Variants in USP28 observed in about 807,000 individuals in gnomAD.
The protein encoded by USP28 is ubiquitin carboxyl-terminal hydrolase 28.
USP28 carries 113 observed loss-of-function variants against 145.0 expected under a neutral mutation model. The ratio of observed to expected loss-of-function variants is 0.78; its 90% CI spans 0.67 to 0.91. The LOEUF is 0.91. Among genes scored for constraint, USP28 ranks in the 40% least tolerant of loss-of-function variants. USP28 has a pLI of 0.00. For missense variants in USP28, 1,201 were observed against 1,289.6 expected, an observed-to-expected ratio of 0.93 and a Z score of 1.05; for synonymous variants, 447 against 450.9, an observed-to-expected ratio of 0.99 and a Z score of 0.11.
rs1489135667 is a variant in USP28 at position 113,837,435 on chromosome 11, C to G, written c.535-3100G>C. On this transcript the variant is annotated intron_variant, in intron 5 of 24. Coordinates refer to ENST00000003302, the Ensembl canonical transcript of USP28. ...ATCTACATCCACATCCCAGGCTGCA[C>G]CCAAAAATACACCAACACATGAAAG... 1.3e-5 allele frequency among the ~76,000 whole-genome samples: 2 copies of G among 152,166 alleles called. 1 individual carries two copies. The highest frequency in any genetic ancestry group is 4.8e-5 in the African/African-American group (2 of 41,430).
intron 22 of USP28, 89 bp from the exon 24 acceptor site, chr11:113,803,370 A>C: frequency 1.4e-6 from 2 of 1,392,252 alleles, no homozygotes; most frequent in South Asian, 1.6e-5. Flanking sequence ...TCAAGAACCT[A>C]CTTGGCTGCA....
chr11:113,867,801 A>AGGGG (rs1340740140), intron 1 of USP28, among the ~76,000 whole-genome samples: 1 of 75,368 alleles, frequency 1.3e-5, no homozygotes, highest in Non-Finnish European at 2.4e-5. Flanking sequence ...GAAAGAAGGA[A>AGGGG]GGGGGGAGGG....
Position 113,875,482 on chromosome 11 carries a change from T to C in USP28, c.20A>G (p.Gln7Arg). 4 of 1,228,230 alleles carry C rather than the reference T, an allele frequency of 3.3e-6. No homozygotes were observed. The South Asian group carries it at 7.5e-5, about 23-fold the overall frequency. The allele number at this position is 1,228,230 out of a possible 1,614,324, so 76.1% of individuals were successfully genotyped here. ...GTCTGCCGCGCCGGCCGCGTCGTCC[T>C]GCTGCAGCTCCGCAGTCATGGCCGA... Residue 7 changes from glutamine (Q) to arginine (R), a missense_variant, in exon 1 of 25, where the codon CAG becomes CGG. Physicochemically the swap from Gln to Arg is conservative, Grantham distance 43. Transcript: ENST00000003302.
rs1229720816 is a variant in USP28, at chr11:113,867,827, G to GAGGGAGGAAGAA, written c.57+7606_57+7617dup. The stretch of plus-strand genomic sequence containing the variant: ...GGGGGGAGGGAGGGAGGGAGGAAGG[G>GAGGGAGGAAGAA]AGGGAGGAAGAAAGGGAGGAAGGGA... On this transcript the variant is annotated intron_variant, in intron 1 of 24. Coordinates refer to ENST00000003302, the Ensembl canonical transcript of USP28. Among the ~76,000 whole-genome samples the GAGGGAGGAAGAA allele has an allele frequency of 4.3e-5, 6 of 140,404 alleles. No homozygotes were observed. The East Asian group carries it at 1.3e-3, about 30-fold the overall frequency. 92.1% of individuals were successfully genotyped at this position (140,404 alleles called of 152,430 possible).
intron 1 of USP28, among the ~76,000 whole-genome samples, chr11:113,860,182 T>C (rs148052938): frequency 5.3e-4 from 80 of 152,352 alleles, no homozygotes; most frequent in African/African-American, 1.9e-3. Context: ...TTAAAACTCC[T>C]AATTTAGCAT....
At chr11:113,808,495 A>C (rs992156323) in intron 17 of USP28, 58 bp from the exon 18 acceptor site, 1 of 1,580,416 alleles carries the variant, frequency 6.3e-7, no homozygotes, top group Non-Finnish European at 8.6e-7. Context: ...TAGAACACTC[A>C]GATAAAAAGC....
chr11:113,847,220 GCAAC>G (rs1945963605), intron 3 of USP28, among the ~76,000 whole-genome samples: 1 of 151,886 alleles, frequency 6.6e-6, no homozygotes, highest in Non-Finnish European at 1.5e-5. Flanking sequence ...ACAAAAGAGG[GCAAC>G]CAGACATTAT....
chr11:113,864,722 TAC>T (rs1305162864), intron 1 of USP28, among the ~76,000 whole-genome samples: 1 of 152,226 alleles, frequency 6.6e-6, no homozygotes, highest in Non-Finnish European at 1.5e-5. Context: ...CAAACTGCTC[TAC>T]ACAGTCTACT....
chr11:113,872,046 CTA>C lies in USP28; in HGVS notation c.57+3397_57+3398del, dbSNP rs201662046. On this transcript the variant is annotated intron_variant, in intron 1 of 24. Transcript: ENST00000003302. ...GAGTTGTGTAAGTACTGAGAGAATG[CTA>C]TGTTAAGTTCTGAGCACCGAGTCTG... Among the ~76,000 whole-genome samples, 3 of 152,294 alleles carry C rather than the reference CTA, an allele frequency of 2.0e-5. No individual in the cohort carries two copies. In the East Asian group the frequency reaches 5.8e-4, roughly 29 times the overall value.
At chr11:113,862,388 TG>T (rs1947785788) in intron 1 of USP28, among the ~76,000 whole-genome samples, 1 of 152,170 alleles carries the variant, frequency 6.6e-6, no homozygotes, top group Non-Finnish European at 1.5e-5. Flanking sequence ...GATGTGGGAT[TG>T]GATTACAAAG....
rs115800541 is a variant in USP28 at position 113,837,321 on chromosome 11, G to A, written c.535-2986C>T. On this transcript the variant is annotated intron_variant, in intron 5 of 24. Transcript: ENST00000003302. ...ACATAGAGCAGGTGTTCAATTGTTT[G>A]CTGAGGGAACTCGCATGCATCCAGT... is the stretch of plus-strand genomic sequence containing the variant. Among the ~76,000 whole-genome samples, 686 of 152,292 alleles carry A rather than the reference G, an allele frequency of 4.5e-3. 8 individuals are homozygous for A. The highest frequency in any genetic ancestry group is 0.016 in the African/African-American group (647 of 41,552).
At position 113,814,689 on chromosome 11, in the gene USP28, G is replaced by A. The variant is rs1239952611; in HGVS notation, c.1672+485C>T. 3.3e-5 allele frequency among the ~76,000 whole-genome samples: 5 copies of A among 151,900 alleles called. No individual in the cohort carries two copies. The East Asian group carries it at 9.7e-4, about 29-fold the overall frequency. On this transcript the variant is annotated intron_variant, in intron 14 of 24. Transcript: ENST00000003302. ...GAGATCTTTCCATATCTGTATAATG[G>A]GGGTGTGTGAGCCAAGTTTACAGGG...
intron 11 of USP28, 116 bp downstream of exon 11, chr11:113,827,117 C>A (rs1444822414): frequency 1.5e-6 from 2 of 1,312,190 alleles, no homozygotes; most frequent in Non-Finnish European, 2.1e-6. Context: ...CTCATAGAAT[C>A]CAAATTTGCA....
chr11:113,808,797 T>C (rs1940478271), intron 17 of USP28, among the ~76,000 whole-genome samples: 1 of 152,256 alleles, frequency 6.6e-6, no homozygotes, highest in Non-Finnish European at 1.5e-5. Flanking sequence ...CTATCATAGT[T>C]TCTCCCATAA....
chr11:113,844,392 C>T (rs181281825), intron 3 of USP28, among the ~76,000 whole-genome samples: 82 of 151,308 alleles, frequency 5.4e-4, no homozygotes, highest in African/African-American at 1.8e-3. Flanking sequence ...TGCAGTGAGC[C>T]GAGATCGTAC....
chr11:113,874,789 A>G, intron 1 of USP28: 5 of 1,118,864 alleles, frequency 4.5e-6, no homozygotes, highest in Non-Finnish European at 5.5e-6. Context: ...AAGTCCTTAT[A>G]TTGATTTCAA....
intron 5 of USP28, among the ~76,000 whole-genome samples, chr11:113,839,586 A>T (rs916248561): frequency 3.9e-5 from 6 of 151,902 alleles, no homozygotes; most frequent in African/African-American, 1.5e-4. Context: ...ATAAAAATAA[A>T]TTTTAAAAAT....
At chr11:113,803,330 T>C in intron 22 of USP28, 49 bp from the exon 24 acceptor site, 3 of 1,560,334 alleles carry the variant, frequency 1.9e-6, no homozygotes, top group African/African-American at 1.4e-5. Context: ...TTTACTAAAA[T>C]CTAGGGCTTA....
chr11:113,841,567 G>T, intron 4 of USP28, 96 bp downstream of exon 4: 1 of 725,284 alleles, frequency 1.4e-6, no homozygotes, highest in Non-Finnish European at 2.3e-6. Context: ...TCATTCAGGT[G>T]CTTAACAGAA....
Sources: allele counts gnomAD v4.1 joint callset (sites outside exome capture counted in the v4.1 genomes callset), GRCh38; gene constraint gnomAD v4.1.1; transcripts MANE v1.5; gene names NCBI Gene and HGNC (gene_info 2026-07-23, HGNC 2026-07-21).